The following GPC6 variants were observed in gnomAD, a reference collection of about 807,000 sequenced individuals.
GPC6 encodes glypican-6.
In GPC6, 14 loss-of-function variants were observed where a neutral mutation model predicts 55.2. The ratio of observed to expected loss-of-function variants is 0.25; its 90% CI spans 0.17 to 0.40. The LOEUF is 0.40. Among genes scored for constraint, GPC6 ranks in the 10% least tolerant of loss-of-function variants. The pLI is 1.00. For missense variants in GPC6, 641 were observed against 708.5 expected (o/e 0.90, Z 1.08); for synonymous variants, 278 against 259.6 (o/e 1.07, Z -0.68).
chr13:94,317,549 A>G (rs1876602942), intron 6 of GPC6, among the ~76,000 whole-genome samples: 1 of 152,216 alleles, frequency 6.6e-6, no homozygotes, highest in South Asian at 2.1e-4. Flanking sequence ...GTTTCCAGTT[A>G]CTCAGGAAAA....
chr13:94,374,097 C>A (rs989903982), intron 6 of GPC6, among the ~76,000 whole-genome samples: 1 of 152,048 alleles, frequency 6.6e-6, no homozygotes, highest in Non-Finnish European at 1.5e-5. Context: ...CCGATACCAG[C>A]CACTGCAAAA....
At chr13:94,338,559 C>T (rs1877848024) in intron 6 of GPC6, among the ~76,000 whole-genome samples, 1 of 152,178 alleles carries the variant, frequency 6.6e-6, no homozygotes, top group Non-Finnish European at 1.5e-5. Flanking sequence ...CCAAGTGCTC[C>T]ATCATGACAG....
intron 2 of GPC6, among the ~76,000 whole-genome samples, chr13:93,547,682 A>G (rs1425714287): frequency 1.3e-5 from 2 of 152,294 alleles, no homozygotes; most frequent in Non-Finnish European, 2.9e-5. Flanking sequence ...ATGGGAGAGA[A>G]ATTAAGATTT....
In GPC6 at chr13:93,600,823, G is replaced by GCATGTAATC. The variant is rs1405881120; in HGVS notation, c.319+55403_319+55404insATGTAATCC. On this transcript the variant is annotated intron_variant, in intron 2 of 8. Transcript: ENST00000377047. Reference sequence around the variant, plus strand: ...AAATTAGCCAGGTGTGGTGCTGGGCGCCTGTAATCCCAGCTACTCGGGAGG... The same window carrying GCATGTAATC: ...AAATTAGCCAGGTGTGGTGCTGGGCGCATGTAATCCCTGTAATCCCAGCTACTCGGGAGG... Among the ~76,000 whole-genome samples the GCATGTAATC allele has an allele frequency of 2.0e-5, 3 of 151,248 alleles. No homozygotes were observed. The East Asian group carries it at 5.9e-4, about 30-fold the overall frequency.
At chr13:94,051,481 G>T (rs1344719003) in intron 4 of GPC6, among the ~76,000 whole-genome samples, 1 of 152,014 alleles carries the variant, frequency 6.6e-6, no homozygotes, top group African/African-American at 2.4e-5. Context: ...TTTCTCTCTG[G>T]CAATTACTCA....
intron 2 of GPC6, among the ~76,000 whole-genome samples, chr13:93,789,508 TC>T (rs1484164297): frequency 8.1e-5 from 5 of 61,696 alleles, no homozygotes; most frequent in African/African-American, 2.9e-4. Flanking sequence ...TCTCTCTCTC[TC>T]TATATATATA....
At chr13:94,354,639 G>A (rs1247743379) in intron 6 of GPC6, among the ~76,000 whole-genome samples, 3 of 152,182 alleles carry the variant, frequency 2.0e-5, no homozygotes, top group East Asian at 1.9e-4. Context: ...CCTGCTATTC[G>A]GTAAGCTCTA....
chr13:94,174,387 G>A (rs1373564484), intron 4 of GPC6, among the ~76,000 whole-genome samples: 1 of 152,076 alleles, frequency 6.6e-6, no homozygotes, highest in Non-Finnish European at 1.5e-5. Context: ...GGAGTTAGAG[G>A]ACACAATGGG....
At chr13:93,576,705 C>A (rs541092256) in intron 2 of GPC6, among the ~76,000 whole-genome samples, 1 of 152,018 alleles carries the variant, frequency 6.6e-6, no homozygotes, top group Non-Finnish European at 1.5e-5. Flanking sequence ...TACCCCATGA[C>A]CTTCACGGTT....
intron 1 of GPC6, among the ~76,000 whole-genome samples, chr13:93,446,956 A>G (rs1487381071): frequency 6.7e-6 from 1 of 149,554 alleles, no homozygotes; most frequent in Non-Finnish European, 1.5e-5. Flanking sequence ...TATTTTACTA[A>G]TTTTTTTGGG....
In GPC6 at chr13:93,737,364, A is replaced by AAGT. The variant is rs545771000; in HGVS notation, c.320-92790_320-92789insAGT. Among the ~76,000 whole-genome samples, 412 of 152,270 alleles carry AAGT rather than the reference A, an allele frequency of 2.7e-3. 1 individual carries two copies. The highest frequency in any genetic ancestry group is 0.014 in the Middle Eastern group (4 of 294). ...TTAAGATTTTTCCTACAACTGTGCCATGTTTTCTAATCTTCTGAAGTACAT... is the reference window on the plus strand; with the variant it reads ...TTAAGATTTTTCCTACAACTGTGCCAAGTTGTTTTCTAATCTTCTGAAGTACAT... On this transcript the variant is annotated intron_variant, in intron 2 of 8. Coordinates refer to ENST00000377047, the MANE Select transcript of GPC6 (RefSeq NM_005708.5).
At chr13:93,440,663 C>G (rs141177137) in intron 1 of GPC6, among the ~76,000 whole-genome samples, 3 of 149,166 alleles carry the variant, frequency 2.0e-5, no homozygotes, top group East Asian at 2.0e-4. Context: ...TTACAGCATG[C>G]AAGTCTTGCA....
At chr13:93,289,647 G>C (rs1878255479) in intron 1 of GPC6, among the ~76,000 whole-genome samples, 2 of 152,206 alleles carry the variant, frequency 1.3e-5, no homozygotes, top group South Asian at 4.2e-4. Context: ...GATAAAACTT[G>C]TATGCACAGT....
chr13:93,861,367 T>C (rs762842180), intron 3 of GPC6, among the ~76,000 whole-genome samples: 1 of 150,972 alleles, frequency 6.6e-6, no homozygotes, highest in Non-Finnish European at 1.5e-5. Flanking sequence ...TTGGACAGTG[T>C]GAATTTAGTG....
intron 1 of GPC6, among the ~76,000 whole-genome samples, chr13:93,458,640 C>T (rs1407546195): frequency 6.6e-6 from 1 of 152,078 alleles, no homozygotes; most frequent in Admixed American, 6.5e-5. Context: ...CTGTTAAAGT[C>T]TAGGTAATGG....
At chr13:93,288,573 G>C (rs1878213725) in intron 1 of GPC6, among the ~76,000 whole-genome samples, 2 of 152,162 alleles carry the variant, frequency 1.3e-5, no homozygotes, top group African/African-American at 4.8e-5. Context: ...ATGTATGTAA[G>C]ATGAAACTTT....
At chr13:93,680,442 A>G (rs1881805825) in intron 2 of GPC6, among the ~76,000 whole-genome samples, 1 of 152,158 alleles carries the variant, frequency 6.6e-6, no homozygotes, top group African/African-American at 2.4e-5. Context: ...TAGTAATCCA[A>G]TACAGGGAGA....
chr13:93,535,593 T>C (rs1207551612), intron 1 of GPC6, among the ~76,000 whole-genome samples: 1 of 151,546 alleles, frequency 6.6e-6, no homozygotes, highest in East Asian at 1.9e-4. Flanking sequence ...AAAAGAGTCT[T>C]ACGATATGTT....
chr13:93,953,793 A>G (rs991301961), intron 3 of GPC6, among the ~76,000 whole-genome samples: 1 of 152,176 alleles, frequency 6.6e-6, no homozygotes. Flanking sequence ...ACTCCAGTGA[A>G]ACTTTAGGTT....
Sources: allele counts gnomAD v4.1 joint callset (sites outside exome capture counted in the v4.1 genomes callset), GRCh38; gene constraint gnomAD v4.1.1; transcripts MANE v1.5; gene names NCBI Gene and HGNC (gene_info 2026-07-23, HGNC 2026-07-21).